CDCA4: variants seen among roughly 807,000 people sequenced by gnomAD.
CDCA4 encodes cell division cycle-associated protein 4.
For synonymous variants in CDCA4, 130 were observed against 137.0 expected, an observed-to-expected ratio of 0.95 and a Z score of 0.36; for missense variants, 294 against 322.1, an observed-to-expected ratio of 0.91 and a Z score of 0.67.
intron 1 of CDCA4, among the ~76,000 whole-genome samples, chr14:105,017,444 G>C (rs889687626): frequency 6.6e-6 from 1 of 151,908 alleles, no homozygotes; most frequent in Admixed American, 6.6e-5. Flanking sequence ...GGCTGGTCTC[G>C]AACTCCTGAC....
intron 1 of CDCA4, 28 bp from the exon 2 acceptor site, chr14:105,011,963 A>T: frequency 6.4e-7 from 1 of 1,569,722 alleles, no homozygotes; most frequent in Non-Finnish European, 8.6e-7. Context: ...GACACCACTT[A>T]GCACACGGCA....
At chr14:105,012,505 A>C (rs1050168218) in intron 1 of CDCA4, among the ~76,000 whole-genome samples, 2 of 152,194 alleles carry the variant, frequency 1.3e-5, no homozygotes, top group African/African-American at 4.8e-5. Flanking sequence ...CTTTCACTAA[A>C]AGCCTCTATA....
intron 1 of CDCA4, among the ~76,000 whole-genome samples, chr14:105,018,667 CCTT>C (rs898859806): frequency 5.9e-5 from 9 of 152,098 alleles, no homozygotes; most frequent in African/African-American, 2.2e-4. Flanking sequence ...CTGCTTAACT[CCTT>C]CTAATATGGA....
Position 105,010,403 on chromosome 14 carries a change from TACAA to T in CDCA4, c.*797_*800del, listed in dbSNP as rs1176915285. 2 of 152,286 alleles carry T rather than the reference TACAA, an allele frequency of 1.3e-5. No homozygotes were observed. The highest frequency in any genetic ancestry group is 4.8e-5 in the African/African-American group (2 of 41,458). 9.4% of individuals were successfully genotyped at this position (152,286 alleles called of 1,614,324 possible). A position where few individuals can be genotyped will look rare whatever the true frequency, so the allele number is the denominator to read the frequency against. On this transcript the variant is annotated 3_prime_UTR_variant, in exon 2 of 2. Coordinates refer to ENST00000336219, the MANE Select transcript of CDCA4 (RefSeq NM_017955.4). ...TGAAGACCAACTGGTGCCTGTGATCTACAAACAGACAAATATTTGACCTTTGTCT... is the reference window on the plus strand; with the variant it reads ...TGAAGACCAACTGGTGCCTGTGATCTACAGACAAATATTTGACCTTTGTCT...
At chr14:105,018,737 AT>A (rs33997251) in intron 1 of CDCA4, among the ~76,000 whole-genome samples, 72,641 of 144,498 alleles carry the variant, frequency 0.5, 20,277 homozygotes, top group Middle Eastern at 0.65. Context: ...TCCCTGCTCA[AT>A]TTTTTTTTTT....
rs539521443 is a variant in CDCA4 at position 105,010,783 on chromosome 14, A to C, written c.*421T>G. ...ATACTTTTAAGAAAATAGCTGAAAAAATCTAAAGAGATAAGGTATAAAAAG... is the reference window on the plus strand; with the variant it reads ...ATACTTTTAAGAAAATAGCTGAAAACATCTAAAGAGATAAGGTATAAAAAG... On this transcript the variant is annotated 3_prime_UTR_variant, in exon 2 of 2. Coordinates refer to ENST00000336219, the MANE Select transcript of CDCA4 (RefSeq NM_017955.4). 1.8e-5 allele frequency: 3 copies of C among 167,016 alleles called. No individual in the cohort carries two copies. Among genetic ancestry groups the C allele is most frequent in the African/African-American group, 7.1e-5 (3 of 42,150 alleles). The allele number at this position is 167,016 out of a possible 1,614,324, so 10.3% of individuals were successfully genotyped here. A position where few individuals can be genotyped will look rare whatever the true frequency, so the allele number is the denominator to read the frequency against.
rs757464493 is a variant in CDCA4 at position 105,011,572 on chromosome 14, C to T, written c.358G>A (p.Gly120Ser). 1.1e-5 allele frequency: 18 copies of T among 1,613,906 alleles called. No homozygotes were observed. Among genetic ancestry groups the T allele is most frequent in the East Asian group, 4.5e-5 (2 of 44,882 alleles). Reference sequence around the variant, plus strand: ...TCAGAAACTGGACCCTGTGTGTGGCCGTCCCCCAAGCCAGGAGCAGGATGT... The same window carrying T: ...TCAGAAACTGGACCCTGTGTGTGGCTGTCCCCCAAGCCAGGAGCAGGATGT... ...GAHPAPGLGD[G>S]HTQGPVSDLC... The change falls in exon 2 of 2, where the codon GGC becomes AGC. Residue 120 changes from glycine (G) to serine (S), a missense_variant. Coordinates refer to ENST00000336219, the MANE Select transcript of CDCA4 (RefSeq NM_017955.4).
chr14:105,019,022 C>G (rs1886155629), intron 1 of CDCA4, among the ~76,000 whole-genome samples: 1 of 152,130 alleles, frequency 6.6e-6, no homozygotes, highest in Admixed American at 6.5e-5. Flanking sequence ...AGGCGTGAGC[C>G]ACCATGCCTG....
Position 105,009,981 on chromosome 14 carries a change from T to C in CDCA4, c.*1223A>G, listed in dbSNP as rs1418601205. 6.6e-6 allele frequency: 1 copy of C among 152,282 alleles called. No homozygotes were observed. Among genetic ancestry groups the C allele is most frequent in the African/African-American group, 2.4e-5 (1 of 41,458 alleles). The allele number at this position is 152,282 out of a possible 1,614,324, so 9.4% of individuals were successfully genotyped here. A position where few individuals can be genotyped will look rare whatever the true frequency, so the allele number is the denominator to read the frequency against. ...TTTAATAAAGTGAGGTTTACATCACTGATATTTAAGAATGGCTATATGCAC... is the reference window on the plus strand; with the variant it reads ...TTTAATAAAGTGAGGTTTACATCACCGATATTTAAGAATGGCTATATGCAC... On this transcript the variant is annotated 3_prime_UTR_variant, in exon 2 of 2. Transcript: ENST00000336219.
At chr14:105,019,839 C>G (rs897694682) in intron 1 of CDCA4, among the ~76,000 whole-genome samples, 1 of 152,138 alleles carries the variant, frequency 6.6e-6, no homozygotes, top group Non-Finnish European at 1.5e-5. Flanking sequence ...TCCCACATAG[C>G]TAGGATTATG....
intron 1 of CDCA4, among the ~76,000 whole-genome samples, chr14:105,012,332 G>C (rs1900529640): frequency 6.6e-6 from 1 of 152,244 alleles, no homozygotes; most frequent in Non-Finnish European, 1.5e-5. Flanking sequence ...AGAGACCCTG[G>C]GGTAACATGA....
chr14:105,015,962 G>A (rs1015829041), intron 1 of CDCA4, among the ~76,000 whole-genome samples: 1 of 152,116 alleles, frequency 6.6e-6, no homozygotes, highest in Non-Finnish European at 1.5e-5. Flanking sequence ...GCCAGGCCAG[G>A]AGCCCCACTT....
At chr14:105,019,234 G>A (rs1886159984) in intron 1 of CDCA4, among the ~76,000 whole-genome samples, 2 of 152,182 alleles carry the variant, frequency 1.3e-5, no homozygotes, top group Admixed American at 1.3e-4. Flanking sequence ...ATGGCAGGTG[G>A]AACAGCCAAC....
intron 1 of CDCA4, 135 bp from the exon 2 acceptor site, chr14:105,012,070 G>C (rs1409232290): frequency 9.7e-7 from 1 of 1,027,534 alleles, no homozygotes; most frequent in Non-Finnish European, 1.4e-6. Context: ...TGACAGAGCT[G>C]TAACTCCCTA....
intron 1 of CDCA4, among the ~76,000 whole-genome samples, chr14:105,012,831 C>A (rs562260626): frequency 1.3e-5 from 2 of 152,190 alleles, no homozygotes; most frequent in Non-Finnish European, 2.9e-5. Context: ...GCCCTCCACT[C>A]GAGAGCTCTG....
At chr14:105,012,930 T>C (rs1900545801) in intron 1 of CDCA4, among the ~76,000 whole-genome samples, 1 of 148,760 alleles carries the variant, frequency 6.7e-6, no homozygotes, top group African/African-American at 2.4e-5. Flanking sequence ...TGGCAGGGTA[T>C]GTGTGTGTCC....
chr14:105,015,459 C>G (rs1283567822), intron 1 of CDCA4, among the ~76,000 whole-genome samples: 1 of 152,278 alleles, frequency 6.6e-6, no homozygotes, highest in Non-Finnish European at 1.5e-5. Context: ...CCTTCAGTAA[C>G]GGGCCAGGAA....
In CDCA4 at chr14:105,011,917, C is replaced by T; in HGVS notation, c.13G>A (p.Gly5Arg). ...TGGCCAACACATTTCCTCTTCAGTC[C>T]TCGTGCAAACATTGTGTCCTGCAGA... is the stretch of plus-strand genomic sequence containing the variant. MFAR[G>R]LKRKCVGHEE... The change falls in exon 2 of 2, where the codon GGA (glycine) becomes AGA (arginine). Residue 5 changes from glycine (G) to arginine (R), a missense_variant. Physicochemically the swap from Gly to Arg is moderately radical, Grantham distance 125. Coordinates refer to ENST00000336219, the MANE Select transcript of CDCA4 (RefSeq NM_017955.4). 3.1e-6 allele frequency: 5 copies of T among 1,608,382 alleles called. No individual in the cohort carries two copies. Among genetic ancestry groups the T allele is most frequent in the Non-Finnish European group, 3.4e-6 (4 of 1,176,626 alleles).
At chr14:105,019,153 G>C (rs1294837239) in intron 1 of CDCA4, among the ~76,000 whole-genome samples, 1 of 152,128 alleles carries the variant, frequency 6.6e-6, no homozygotes, top group African/African-American at 2.4e-5. Context: ...ACTGCCCTCA[G>C]GCTTCTAAAC....
Sources: gnomAD v4.1 joint callset for allele counts (sites outside exome capture counted in the v4.1 genomes callset) on GRCh38, gnomAD v4.1.1 for gene constraint, MANE v1.5 for transcripts, NCBI Gene and HGNC (gene_info 2026-07-23, HGNC 2026-07-21) for gene names.